RIMBP2: variants seen among roughly 807,000 people sequenced by gnomAD.
The protein encoded by RIMBP2 is RIMS binding protein 2.
RIMBP2 carries 48 observed loss-of-function variants against 118.6 expected under a neutral mutation model. The observed-to-expected ratio is 0.40, with a 90% CI of 0.32 to 0.51. RIMBP2 has a LOEUF of 0.51. Among genes scored for constraint, RIMBP2 ranks in the 20% least tolerant of loss-of-function variants. The probability of loss-of-function intolerance (pLI) is 0.41; values close to 1 mark genes in which losing one functional copy is unlikely to be tolerated. For synonymous variants in RIMBP2, 762 were observed against 742.9 expected, an observed-to-expected ratio of 1.03 and a Z score of -0.42; for missense variants, 1,551 against 1,768.3, an observed-to-expected ratio of 0.88 and a Z score of 2.20.
intron 5 of RIMBP2, among the ~76,000 whole-genome samples, chr12:130,474,050 C>T (rs1026321533): frequency 1.3e-5 from 2 of 152,222 alleles, no homozygotes; most frequent in African/African-American, 2.4e-5. Flanking sequence ...ATAATTGCCA[C>T]TTGTCACAAG....
intron 6 of RIMBP2, among the ~76,000 whole-genome samples, chr12:130,460,923 C>T (rs2079925373): frequency 6.6e-6 from 1 of 152,180 alleles, no homozygotes; most frequent in South Asian, 2.1e-4. Context: ...ATTCCATGCC[C>T]TCCTGTGACA....
At chr12:130,615,180 T>C (rs1189946061) in intron 2 of RIMBP2, among the ~76,000 whole-genome samples, 1 of 146,686 alleles carries the variant, frequency 6.8e-6, no homozygotes, top group African/African-American at 2.5e-5. Context: ...ATATAATATA[T>C]ATATTACAAT....
intron 2 of RIMBP2, among the ~76,000 whole-genome samples, chr12:130,539,777 G>GT (rs2054416915): frequency 1.2e-5 from 1 of 82,358 alleles, no homozygotes; most frequent in Non-Finnish European, 2.4e-5. Flanking sequence ...AAGTGGCCAG[G>GT]TGTAGGATAT....
At chr12:130,652,479 C>G (rs12812605) in intron 1 of RIMBP2, among the ~76,000 whole-genome samples, 1 of 152,124 alleles carries the variant, frequency 6.6e-6, no homozygotes, top group Non-Finnish European at 1.5e-5. Context: ...CTCACTTTTT[C>G]ATCTGTTACG....
rs369912606 is a variant in RIMBP2 at position 130,399,830 on chromosome 12, G to T, written c.3766-17C>A. On this transcript the variant is annotated splice_polypyrimidine_tract_variant and intron_variant, in intron 21 of 22. Transcript: ENST00000690449. The stretch of plus-strand genomic sequence containing the variant: ...CAGCTCCCCCTAAAACACCAGGGGT[G>T]AGGCAGAAGAACTATTTATTTTTCT... 6.8e-6 allele frequency: 11 copies of T among 1,613,234 alleles called. No individual in the cohort carries two copies. In the African/African-American group the frequency reaches 1.5e-4, roughly 22 times the overall value.
intron 22 of RIMBP2, chr12:130,399,125 C>T: frequency 1.4e-6 from 2 of 1,395,520 alleles, no homozygotes. Context: ...GTGAAGGCTA[C>T]ATTGCCTGAT....
intron 2 of RIMBP2, among the ~76,000 whole-genome samples, chr12:130,543,818 C>T (rs1434134971): frequency 6.6e-6 from 1 of 151,912 alleles, no homozygotes; most frequent in Non-Finnish European, 1.5e-5. Context: ...TCTTGCCAGT[C>T]AGCTAAATGT....
chr12:130,536,424 C>A (rs2054091010), intron 2 of RIMBP2, among the ~76,000 whole-genome samples: 1 of 152,180 alleles, frequency 6.6e-6, no homozygotes, highest in African/African-American at 2.4e-5. Context: ...CTGGATTTTA[C>A]AAATCCCCCT....
intron 1 of RIMBP2, among the ~76,000 whole-genome samples, chr12:130,632,019 CAAAT>C: frequency 6.6e-6 from 1 of 152,310 alleles, no homozygotes; most frequent in East Asian, 1.9e-4. Context: ...CTACATGAAA[CAAAT>C]AGTTATCACA....
intron 19 of RIMBP2, among the ~76,000 whole-genome samples, chr12:130,410,157 T>C (rs973049993): frequency 8.5e-5 from 13 of 152,258 alleles, no homozygotes; most frequent in African/African-American, 3.1e-4. Flanking sequence ...GATCTTTTCA[T>C]GTGCTTATTT....
intron 1 of RIMBP2, among the ~76,000 whole-genome samples, chr12:130,647,180 T>C (rs576797121): frequency 2.4e-4 from 36 of 152,266 alleles, no homozygotes; most frequent in Non-Finnish European, 5.0e-4. Flanking sequence ...TTAGCCAACA[T>C]GGTGAAACCC....
At position 130,647,782 on chromosome 12, in the gene RIMBP2, T is replaced by C. The variant is rs138072299; in HGVS notation, c.-351-19326A>G. Among the ~76,000 whole-genome samples, 12 of 146,070 alleles carry C rather than the reference T, an allele frequency of 8.2e-5. 1 individual carries two copies. The East Asian group carries it at 2.3e-3, about 28-fold the overall frequency. On this transcript the variant is annotated intron_variant, in intron 1 of 22. Transcript: ENST00000690449. Reference sequence around the variant, plus strand: ...AAATCAAACCAATGCATAACCTCCATGTATTGGTGTGTGACTTTGCTGGTA... The same window carrying C: ...AAATCAAACCAATGCATAACCTCCACGTATTGGTGTGTGACTTTGCTGGTA...
chr12:130,675,025 T>G (rs2064386301), intron 1 of RIMBP2, among the ~76,000 whole-genome samples: 1 of 152,160 alleles, frequency 6.6e-6, no homozygotes, highest in Non-Finnish European at 1.5e-5. Context: ...TAGAGGGGCG[T>G]GCAGTGAGCT....
chr12:130,678,772 G>T (rs2064629516), intron 1 of RIMBP2, among the ~76,000 whole-genome samples: 1 of 152,176 alleles, frequency 6.6e-6, no homozygotes, highest in Non-Finnish European at 1.5e-5. Context: ...GCCCTCCTCA[G>T]CCTCCCAAGG....
intron 1 of RIMBP2, among the ~76,000 whole-genome samples, chr12:130,636,674 A>T (rs995716022): frequency 6.6e-6 from 1 of 152,180 alleles, no homozygotes; most frequent in African/African-American, 2.4e-5. Flanking sequence ...GCCCCATGAC[A>T]TGAGCCCAGC....
intron 1 of RIMBP2, among the ~76,000 whole-genome samples, chr12:130,664,788 A>G (rs1415996179): frequency 1.3e-5 from 2 of 151,840 alleles, no homozygotes; most frequent in East Asian, 3.9e-4. Flanking sequence ...GCTTTAAAAT[A>G]ATGGCAATAA....
At chr12:130,509,457 C>A (rs986625608) in intron 3 of RIMBP2, among the ~76,000 whole-genome samples, 1 of 152,208 alleles carries the variant, frequency 6.6e-6, no homozygotes, top group East Asian at 1.9e-4. Flanking sequence ...TGGTCTACCC[C>A]GGCTTCATTC....
intron 1 of RIMBP2, among the ~76,000 whole-genome samples, chr12:130,684,012 A>G (rs947986874): frequency 4.6e-5 from 7 of 152,140 alleles, no homozygotes; most frequent in South Asian, 2.1e-4. Context: ...GAGAGAATCA[A>G]CTAAGAGTCT....
intron 4 of RIMBP2, among the ~76,000 whole-genome samples, chr12:130,487,426 C>G (rs930121732): frequency 5.3e-5 from 8 of 152,126 alleles, no homozygotes; most frequent in Non-Finnish European, 8.8e-5. Flanking sequence ...GAGCCTGGCT[C>G]CTCCTCCCTG....
Sources: allele counts gnomAD v4.1 joint callset (sites outside exome capture counted in the v4.1 genomes callset), GRCh38; gene constraint gnomAD v4.1.1; transcripts MANE v1.5; gene names NCBI Gene and HGNC (gene_info 2026-07-23, HGNC 2026-07-21).